The following POLR3B variants were observed in gnomAD, a reference collection of about 807,000 sequenced individuals.
The protein encoded by POLR3B is RNA polymerase III subunit B, also known as DNA-directed RNA polymerase III subunit RPC2.
Under a neutral mutation model 147.4 loss-of-function variants are expected in POLR3B, and 96 were observed. That is an observed-to-expected ratio of 0.65 (90% CI 0.55 to 0.77). POLR3B has a LOEUF of 0.77. Ranked by LOEUF, POLR3B falls within the 30% of genes least tolerant of loss-of-function variation. The pLI is 0.00. For missense variants in POLR3B, 1,036 were observed against 1,413.5 expected, an observed-to-expected ratio of 0.73 and a Z score of 4.28; for synonymous variants, 461 against 485.9, an observed-to-expected ratio of 0.95 and a Z score of 0.67.
chr12:106,495,106 TTTC>T (rs1344684232), intron 23 of POLR3B, among the ~76,000 whole-genome samples: 12 of 152,194 alleles, frequency 7.9e-5, no homozygotes, highest in Non-Finnish European at 1.2e-4. Context: ...AAGTGTTTGT[TTTC>T]TTAGTCCAAT....
intron 22 of POLR3B, among the ~76,000 whole-genome samples, chr12:106,462,937 A>G (rs1462500251): frequency 6.6e-6 from 1 of 152,002 alleles, no homozygotes; most frequent in Non-Finnish European, 1.5e-5. Context: ...AGATACCATT[A>G]CTGCACTTAC....
intron 11 of POLR3B, among the ~76,000 whole-genome samples, chr12:106,408,889 A>C (rs146743559): frequency 6.6e-6 from 1 of 152,208 alleles, no homozygotes; most frequent in African/African-American, 2.4e-5. Context: ...TTTCCAGCAT[A>C]TAGTCATTAA....
chr12:106,372,622 C>T (rs752349974), intron 6 of POLR3B, among the ~76,000 whole-genome samples: 4 of 151,944 alleles, frequency 2.6e-5, no homozygotes, highest in South Asian at 2.1e-4. Flanking sequence ...ATTACAAGCA[C>T]GAACTACCAT....
At chr12:106,374,681 A>G (rs1465335985) in intron 6 of POLR3B, among the ~76,000 whole-genome samples, 4 of 151,856 alleles carry the variant, frequency 2.6e-5, no homozygotes, top group Non-Finnish European at 5.9e-5. Flanking sequence ...CGCCCAGCCA[A>G]TATTTTTTGT....
intron 19 of POLR3B, among the ~76,000 whole-genome samples, chr12:106,451,381 A>C (rs1239833425): frequency 6.6e-6 from 1 of 152,056 alleles, no homozygotes; most frequent in African/African-American, 2.4e-5. Flanking sequence ...TAATTTCAGC[A>C]CTTTGGGAGG....
chr12:106,446,213 C>T (rs1478092940), intron 19 of POLR3B: 1 of 455,064 alleles, frequency 2.2e-6, no homozygotes, highest in Admixed American at 2.4e-5. Flanking sequence ...ATGTGAATCC[C>T]AGCTGAAACA....
chr12:106,461,384 A>T (rs1047079917), intron 22 of POLR3B, among the ~76,000 whole-genome samples: 4 of 152,174 alleles, frequency 2.6e-5, no homozygotes, highest in Non-Finnish European at 4.4e-5. Context: ...CACCGTGCCC[A>T]GCCCTTAAAA....
rs553733271 is a variant in POLR3B, at chr12:106,496,798, A to G, written c.2864A>G (p.Asp955Gly). The G allele has an allele frequency of 6.2e-7, 1 of 1,614,134 alleles. No homozygotes were observed. The highest frequency in any genetic ancestry group is 1.1e-5 in the South Asian group (1 of 91,072). Residue 955 changes from aspartate (D) to glycine (G), a missense_variant, in exon 25 of 28, where the codon GAC (aspartate) becomes GGC (glycine). By Grantham distance (94) the Asp-to-Gly change is moderately conservative. Transcript: ENST00000228347. The stretch of plus-strand genomic sequence containing the variant: ...CTGGCTGGCAAGGCCGGTGTGCTGG[A>G]CGGCAGATTCCACTACGGCACTGCG... ...ELLAGKAGVL[D>G]GRFHYGTAFG...
intron 23 of POLR3B, among the ~76,000 whole-genome samples, chr12:106,469,588 C>T (rs189724658): frequency 0.016 from 2,478 of 152,182 alleles, 67 homozygotes; most frequent in African/African-American, 0.057. Flanking sequence ...CGGCTGGTAC[C>T]GGTTGTTCCT....
Position 106,432,336 on chromosome 12 carries a change from A to G in POLR3B, c.1483A>G (p.Asn495Asp). Residue 495 changes from asparagine to aspartate, a missense_variant, in exon 15 of 28, where the codon AAC (asparagine) becomes GAC (aspartate). Coordinates refer to ENST00000228347, the MANE Select transcript of POLR3B (RefSeq NM_018082.6). ...TTTTTAGGCATGTGGTTTGGTTAAA[A>G]ACTTGGCCCTTATGACACACATCAC... ...PEGEACGLVK[N>D]LALMTHITTD... 6.2e-7 allele frequency: 1 copy of G among 1,613,844 alleles called. No homozygotes were observed. Among genetic ancestry groups the G allele is most frequent in the African/African-American group, 1.3e-5 (1 of 75,028 alleles).
intron 11 of POLR3B, among the ~76,000 whole-genome samples, chr12:106,409,360 T>TG (rs1277512724): frequency 2.1e-5 from 3 of 145,392 alleles, no homozygotes; most frequent in African/African-American, 7.8e-5. Context: ...TTTTTGTTTT[T>TG]TTTTTTTTTT....
chr12:106,366,194 C>G (rs2036533533), intron 2 of POLR3B, among the ~76,000 whole-genome samples: 1 of 152,132 alleles, frequency 6.6e-6, no homozygotes, highest in Non-Finnish European at 1.5e-5. Flanking sequence ...GATATGTGGT[C>G]TGTAGTTGAA....
chr12:106,376,629 C>CTTTCTTTTTTT lies in POLR3B; in HGVS notation c.496+182_496+183insCTTTTTTTTTT, dbSNP rs1555208970. Among the ~76,000 whole-genome samples the CTTTCTTTTTTT allele has an allele frequency of 3.0e-4, 44 of 147,522 alleles. No homozygotes were observed. The South Asian group carries it at 5.5e-3, about 18-fold the overall frequency. On this transcript the variant is annotated intron_variant, in intron 7 of 27. Transcript: ENST00000228347. ...GCTACTAGTCTGTATTTCTTTCTTTCTTTTTTGAGATAGTGTCTCACTCTG... is the reference window on the plus strand; with the variant it reads ...GCTACTAGTCTGTATTTCTTTCTTTCTTTCTTTTTTTTTTTTTGAGATAGTGTCTCACTCTG...
At chr12:106,451,841 T>C (rs1369220084) in intron 19 of POLR3B, among the ~76,000 whole-genome samples, 1 of 152,204 alleles carries the variant, frequency 6.6e-6, no homozygotes, top group African/African-American at 2.4e-5. Flanking sequence ...TACCTTGTAG[T>C]GCCAGCTTGT....
intron 11 of POLR3B, among the ~76,000 whole-genome samples, chr12:106,409,352 T>TG (rs1358198108): frequency 2.1e-5 from 3 of 142,420 alleles, no homozygotes; most frequent in Non-Finnish European, 3.0e-5. Context: ...GAGGGTTTTT[T>TG]TTGTTTTTTT....
intron 12 of POLR3B, among the ~76,000 whole-genome samples, chr12:106,426,222 T>TTGTGTG (rs35090518): frequency 0.11 from 14,115 of 131,006 alleles, 856 homozygotes; most frequent in African/African-American, 0.15. Context: ...GGCCTGCAAT[T>TTGTGTG]TGTGTGTGTG....
At chr12:106,466,392 A>T (rs2038006788) in intron 23 of POLR3B, among the ~76,000 whole-genome samples, 1 of 152,140 alleles carries the variant, frequency 6.6e-6, no homozygotes, top group South Asian at 2.1e-4. Flanking sequence ...ATTTTCTCCC[A>T]TTCTGTAGTT....
chr12:106,406,053 A>G, intron 11 of POLR3B, 77 bp downstream of exon 11: 1 of 1,512,510 alleles, frequency 6.6e-7, no homozygotes, highest in Non-Finnish European at 9.2e-7. Context: ...ATAAGAGTTT[A>G]CCTTATTTAA....
chr12:106,379,243 C>T (rs556441539), intron 8 of POLR3B, among the ~76,000 whole-genome samples: 16 of 152,310 alleles, frequency 1.1e-4, no homozygotes, highest in African/African-American at 3.4e-4. Flanking sequence ...AACCCAGATA[C>T]GGTTAATTTT....
Sources: allele counts gnomAD v4.1 joint callset (sites outside exome capture counted in the v4.1 genomes callset), GRCh38; gene constraint gnomAD v4.1.1; transcripts MANE v1.5; gene names NCBI Gene and HGNC (gene_info 2026-07-23, HGNC 2026-07-21).